Variants in TOPAZ1 observed in about 807,000 individuals in gnomAD.
The protein encoded by TOPAZ1 is testis and ovary specific TOPAZ 1.
In TOPAZ1, 66 loss-of-function variants were observed where a neutral mutation model predicts 172.2. The observed-to-expected ratio is 0.38, with a 90% CI of 0.31 to 0.47. The LOEUF (loss-of-function observed/expected upper bound fraction) is 0.47, where lower values mean the gene tolerates loss of function less well. Among genes scored for constraint, TOPAZ1 ranks in the 20% least tolerant of loss-of-function variants. The pLI is 0.99. For synonymous variants in TOPAZ1, 681 were observed against 683.9 expected (o/e 1.00, Z 0.07); for missense variants, 1,822 against 1,972.4 (o/e 0.92, Z 1.44).
Position 44,245,125 on chromosome 3 carries a change from C to A in TOPAZ1, c.2619C>A (p.Leu873=). Residue 873 remains leucine, a synonymous_variant, in exon 2 of 20, where the codon CTC becomes CTA. Coordinates refer to ENST00000309765, the MANE Select transcript of TOPAZ1 (RefSeq NM_001145030.2). ...ATGTAATTCAAGATGACCCAGACCT[C>A]TTTGGAGTCTCCAATGAAGGGGAGC... ...LIDVIQDDPD[L]FGVSNEGELS... 1 of 1,552,026 alleles carries A rather than the reference C, an allele frequency of 6.4e-7. No homozygotes were observed. The highest frequency in any genetic ancestry group is 8.7e-7 in the Non-Finnish European group (1 of 1,147,066).
In TOPAZ1 at chr3:44,270,823, A is replaced by G. The variant is rs1699887945; in HGVS notation, c.3372+13A>G. ...AGGGGATGAAAAGGTAAAACATATAAAGTCTTTAAAGTAGAGATTGTTTTA... is the reference window on the plus strand; with the variant it reads ...AGGGGATGAAAAGGTAAAACATATAGAGTCTTTAAAGTAGAGATTGTTTTA... On this transcript the variant is annotated intron_variant, in intron 8 of 19. Transcript: ENST00000309765. 6.5e-7 allele frequency: 1 copy of G among 1,530,430 alleles called. No individual in the cohort carries two copies. The highest frequency in any genetic ancestry group is 1.4e-5 in the African/African-American group (1 of 71,808). 94.8% of individuals were successfully genotyped at this position (1,530,430 alleles called of 1,614,324 possible).
intron 8 of TOPAZ1, among the ~76,000 whole-genome samples, chr3:44,281,634 A>G (rs1273101527): frequency 6.6e-6 from 1 of 152,224 alleles, no homozygotes; most frequent in African/African-American, 2.4e-5. Flanking sequence ...TATCAAAAAG[A>G]CCATCTTTTC....
rs1284140105 is a variant in TOPAZ1 at position 44,266,755 on chromosome 3, TG to T, written c.3021-241del. On this transcript the variant is annotated intron_variant, in intron 5 of 19. Transcript: ENST00000309765. The stretch of plus-strand genomic sequence containing the variant: ...AGCACCATAACAGATAAAATAATAA[TG>T]AAAAAATTTGAAATATTGTGAGAAT... Among the ~76,000 whole-genome samples the T allele has an allele frequency of 3.9e-5, 6 of 152,100 alleles. No individual in the cohort carries two copies. The East Asian group carries it at 1.2e-3, about 29-fold the overall frequency.
intron 1 of TOPAZ1, 78 bp downstream of exon 1, chr3:44,242,477 T>C: frequency 7.1e-7 from 1 of 1,399,428 alleles, no homozygotes; most frequent in Non-Finnish European, 9.8e-7. Flanking sequence ...CACTAGTCTT[T>C]AACTTGAACC....
chr3:44,260,782 C>T (rs966957541), intron 4 of TOPAZ1, among the ~76,000 whole-genome samples: 1 of 151,976 alleles, frequency 6.6e-6, no homozygotes, highest in Non-Finnish European at 1.5e-5. Context: ...TCTTTTGCTA[C>T]TTTTAGAATT....
Position 44,262,456 on chromosome 3 carries a change from A to T in TOPAZ1, c.2993A>T (p.Lys998Ile), listed in dbSNP as rs1699785698. 1 of 1,488,038 alleles carries T rather than the reference A, an allele frequency of 6.7e-7. No individual in the cohort carries two copies. Among genetic ancestry groups the T allele is most frequent in the South Asian group, 1.2e-5 (1 of 81,352 alleles). The allele number at this position is 1,488,038 out of a possible 1,614,324, so 92.2% of individuals were successfully genotyped here. A position where few individuals can be genotyped will look rare whatever the true frequency, so the allele number is the denominator to read the frequency against. The change falls in exon 5 of 20, where the codon AAA becomes ATA. Residue 998 changes from lysine to isoleucine, a missense_variant. Lys to Ile is a moderately radical substitution (Grantham distance 102). Around this residue, in one of 2 missense-constraint regions of TOPAZ1, gnomAD observed 1,489 missense variants for 1,490.8 expected, o/e 1.00. Coordinates refer to ENST00000309765, the MANE Select transcript of TOPAZ1 (RefSeq NM_001145030.2). ...GACAAAGTGATTACCAAAGAAGAAA[A>T]AGAAAATATTTATGAAGTTTGCAAA... is the stretch of plus-strand genomic sequence containing the variant. ...FTDKVITKEE[K>I]ENIYEVCKSK... is the part of the protein sequence containing the mutation.
chr3:44,331,624 GC>G (rs1257600978), intron 19 of TOPAZ1, among the ~76,000 whole-genome samples, 167 bp from the exon 20 acceptor site: 1 of 152,176 alleles, frequency 6.6e-6, no homozygotes, highest in African/African-American at 2.4e-5. Flanking sequence ...TGGCCAAAAT[GC>G]CTTTCTTACT....
chr3:44,328,054 T>G (rs572999618), intron 18 of TOPAZ1, among the ~76,000 whole-genome samples, 196 bp from the exon 19 acceptor site: 1 of 152,326 alleles, frequency 6.6e-6, no homozygotes, highest in East Asian at 1.9e-4. Context: ...CTTCTCACTT[T>G]TTATTTAATG....
Position 44,242,415 on chromosome 3 carries a change from C to T in TOPAZ1, c.346+16C>T, listed in dbSNP as rs1011729767. The T allele has an allele frequency of 6.4e-7, 1 of 1,551,452 alleles. No individual in the cohort carries two copies. The highest frequency in any genetic ancestry group is 8.7e-7 in the Non-Finnish European group (1 of 1,146,432). ...GAAAGACACAGTAAGAAAGCATCCA[C>T]GATCACTTACCTTTAGCCCTTGTAC... On this transcript the variant is annotated intron_variant, in intron 1 of 19. Transcript: ENST00000309765.
rs1049905150 is a variant in TOPAZ1, at chr3:44,290,806, C to T, written c.3717C>T (p.His1239=). ...VEAGMVLDPE[H]FNYIVKLLYQ... is the part of the protein sequence containing the mutation. ...CCGGGATGGTGCTTGACCCAGAGCACTTTAACTATATTGTTAAGCTTTTAT... is the reference window on the plus strand; with the variant it reads ...CCGGGATGGTGCTTGACCCAGAGCATTTTAACTATATTGTTAAGCTTTTAT... Residue 1239 remains histidine (H), a synonymous_variant, in exon 12 of 20, where the codon CAC becomes CAT. Coordinates refer to ENST00000309765, the MANE Select transcript of TOPAZ1 (RefSeq NM_001145030.2). 6.5e-7 allele frequency: 1 copy of T among 1,550,118 alleles called. No homozygotes were observed. Among genetic ancestry groups the T allele is most frequent in the Non-Finnish European group, 8.7e-7 (1 of 1,146,518 alleles).
At chr3:44,263,349 A>C (rs1699795450) in intron 5 of TOPAZ1, among the ~76,000 whole-genome samples, 1 of 152,236 alleles carries the variant, frequency 6.6e-6, no homozygotes, top group Non-Finnish European at 1.5e-5. Flanking sequence ...TGCAGACTGC[A>C]AAGGTTTATC....
At chr3:44,282,613 A>G (rs1002110360) in intron 9 of TOPAZ1, among the ~76,000 whole-genome samples, 4 of 152,112 alleles carry the variant, frequency 2.6e-5, no homozygotes, top group Non-Finnish European at 4.4e-5. Context: ...ACCCCATCCC[A>G]TTCTTTGCCA....
At chr3:44,250,595 C>T (rs1184050334) in intron 2 of TOPAZ1, among the ~76,000 whole-genome samples, 1 of 152,190 alleles carries the variant, frequency 6.6e-6, no homozygotes, top group East Asian at 1.9e-4. Context: ...GAGCTGACAT[C>T]TGAACTCAAG....
intron 4 of TOPAZ1, among the ~76,000 whole-genome samples, chr3:44,257,201 G>A (rs914537991): frequency 6.6e-5 from 10 of 151,640 alleles, no homozygotes; most frequent in Non-Finnish European, 1.0e-4. Context: ...AAGGCGTGCT[G>A]GCATCCACCT....
At chr3:44,262,835 TAA>T (rs1699789795) in intron 5 of TOPAZ1, among the ~76,000 whole-genome samples, 2 of 152,216 alleles carry the variant, frequency 1.3e-5, no homozygotes, top group Non-Finnish European at 2.9e-5. Context: ...CGATTCATAC[TAA>T]GAGTTATAGC....
chr3:44,253,377 T>C (rs1330735983), intron 2 of TOPAZ1, among the ~76,000 whole-genome samples: 1 of 152,208 alleles, frequency 6.6e-6, no homozygotes, highest in Non-Finnish European at 1.5e-5. Context: ...CAGGGAGCTA[T>C]TGTAATAAGC....
Position 44,243,993 on chromosome 3 carries a change from A to G in TOPAZ1, c.1487A>G (p.Tyr496Cys), listed in dbSNP as rs553067005. The G allele has an allele frequency of 3.5e-5, 54 of 1,552,254 alleles. No individual in the cohort carries two copies. Among genetic ancestry groups the G allele is most frequent in the African/African-American group, 3.4e-4 (25 of 73,172 alleles). The change falls in exon 2 of 20, where the codon TAT becomes TGT. Residue 496 changes from tyrosine to cysteine, a missense_variant. Around this residue, in one of 2 missense-constraint regions of TOPAZ1, gnomAD observed 1,489 missense variants for 1,490.8 expected, o/e 1.00. Coordinates refer to ENST00000309765, the MANE Select transcript of TOPAZ1 (RefSeq NM_001145030.2). ...IPMTGKRTWP[Y>C]YSCARISAWC... ...ATGACTGGTAAAAGAACTTGGCCCT[A>G]TTATTCATGTGCTAGAATATCTGCC...
rs17646517 is a variant in TOPAZ1 at position 44,244,523 on chromosome 3, C to A, written c.2017C>A (p.Pro673Thr). The change falls in exon 2 of 20, where the codon CCA (proline) becomes ACA (threonine). Residue 673 changes from proline (P) to threonine (T), a missense_variant. By Grantham distance (38) the Pro-to-Thr change is conservative. Coordinates refer to ENST00000309765, the MANE Select transcript of TOPAZ1 (RefSeq NM_001145030.2). Reference protein sequence around the residue: ...ACIAQQTFIVPDLVKILNTGR... With the variant: ...ACIAQQTFIVTDLVKILNTGR... ...CATTGCTCAACAAACATTTATAGTT[C>A]CAGACTTGGTTAAAATATTGAACAC... 6.4e-7 allele frequency: 1 copy of A among 1,551,052 alleles called. No individual in the cohort carries two copies. Among genetic ancestry groups the A allele is most frequent in the Non-Finnish European group, 8.7e-7 (1 of 1,146,858 alleles).
At chr3:44,285,229 G>T (rs1700064962) in intron 9 of TOPAZ1, among the ~76,000 whole-genome samples, 1 of 152,126 alleles carries the variant, frequency 6.6e-6, no homozygotes, top group African/African-American at 2.4e-5. Flanking sequence ...CTGGGAGCCT[G>T]AGGTGGGTGG....
Sources: gnomAD v4.1 joint callset for allele counts (sites outside exome capture counted in the v4.1 genomes callset) on GRCh38, gnomAD v4.1.1 for gene constraint, gnomAD v4.1.1 regional missense constraint, MANE v1.5 for transcripts, NCBI Gene and HGNC (gene_info 2026-07-23, HGNC 2026-07-21) for gene names.